FAM228B: variants seen among roughly 807,000 people sequenced by gnomAD.
The protein encoded by FAM228B is protein FAM228B.
Under a neutral mutation model 42.6 loss-of-function variants are expected in FAM228B, and 38 were observed. The ratio of observed to expected loss-of-function variants is 0.89; its 90% confidence interval spans 0.69 to 1.17. The LOEUF (loss-of-function observed/expected upper bound fraction) is 1.17. Ranked by LOEUF, FAM228B falls within the 50% of genes most tolerant of loss-of-function variation. The pLI is 0.00. For missense variants in FAM228B, 344 were observed against 367.3 expected, an observed-to-expected ratio of 0.94 and a Z score of 0.52; for synonymous variants, 109 against 122.3, an observed-to-expected ratio of 0.89 and a Z score of 0.72.
At chr2:24,115,434 T>C in intron 3 of FAM228B, 1 of 644,366 alleles carries the variant, frequency 1.6e-6, no homozygotes, top group East Asian at 2.7e-5. Context: ...GAAGAGGATC[T>C]CTGGAAGTAA....
At chr2:24,156,770 TTCCGC>T (rs1383939319) in intron 7 of FAM228B, among the ~76,000 whole-genome samples, 109 of 30,098 alleles carry the variant, frequency 3.6e-3, no homozygotes, top group Non-Finnish European at 7.9e-3. Flanking sequence ...ATACATTTCT[TTCCGC>T]CCCCCCCCCC....
chr2:24,103,524 C>T (rs1427092506), intron 3 of FAM228B, among the ~76,000 whole-genome samples: 7 of 152,122 alleles, frequency 4.6e-5, no homozygotes, highest in South Asian at 2.1e-4. Flanking sequence ...GGTCTCTCTG[C>T]GTAGCTGGAC....
intron 2 of FAM228B, among the ~76,000 whole-genome samples, chr2:24,083,786 A>C (rs1665123647): frequency 6.6e-6 from 1 of 151,672 alleles, no homozygotes; most frequent in Non-Finnish European, 1.5e-5. Flanking sequence ...AGCCACAAAG[A>C]CCTCAGCTTG....
intron 7 of FAM228B, among the ~76,000 whole-genome samples, chr2:24,149,967 G>A (rs1040252122): frequency 1.3e-5 from 2 of 152,096 alleles, no homozygotes; most frequent in African/African-American, 4.8e-5. Flanking sequence ...ATATACAAAC[G>A]CACAAAAAGA....
At chr2:24,125,463 A>G (rs1167317817) in intron 2 of FAM228B, among the ~76,000 whole-genome samples, 1 of 152,224 alleles carries the variant, frequency 6.6e-6, no homozygotes, top group Non-Finnish European at 1.5e-5. Flanking sequence ...GGACATATTC[A>G]GTACTCCCAA....
rs561462612 is a variant in FAM228B at position 24,124,404 on chromosome 2, C to A, written c.43C>A (p.Pro15Thr). The change falls in exon 2 of 11, where the codon CCC (proline) becomes ACC (threonine). Residue 15 changes from proline (P) to threonine (T), a missense_variant. Coordinates refer to ENST00000615575, the MANE Select transcript of FAM228B (RefSeq NM_001145710.2). ...DSDDLVTGTLPKLKSSKEWLE... is the reference protein window; with the variant it reads ...DSDDLVTGTLTKLKSSKEWLE... ...TGATGATCTGGTAACTGGCACACTT[C>A]CCAAGCTCAAGAGCTCAAAAGAATG... The A allele has an allele frequency of 6.9e-5, 107 of 1,552,026 alleles. No individual in the cohort carries two copies. In the Middle Eastern group the frequency reaches 8.3e-4, roughly 12 times the overall value.
intron 3 of FAM228B, chr2:24,115,617 A>G (rs1258397157): frequency 6.2e-7 from 1 of 1,612,562 alleles, no homozygotes; most frequent in South Asian, 1.1e-5. Context: ...GTCTCCTGAA[A>G]GCAAACACAG....
At chr2:24,079,721 T>A in intron 1 of FAM228B, 1 of 1,331,420 alleles carries the variant, frequency 7.5e-7, no homozygotes, top group Non-Finnish European at 1.1e-6. Flanking sequence ...ATTATGGATA[T>A]AAATACAGAT....
At chr2:24,137,583 C>T (rs2151019013) in intron 3 of FAM228B, among the ~76,000 whole-genome samples, 1 of 152,258 alleles carries the variant, frequency 6.6e-6, no homozygotes, top group South Asian at 2.1e-4. Context: ...TCCTTGAAGT[C>T]CTGGGCTCAA....
intron 5 of FAM228B, among the ~76,000 whole-genome samples, chr2:24,145,838 G>C (rs762999421): frequency 6.6e-6 from 1 of 151,272 alleles, no homozygotes; most frequent in Middle Eastern, 3.2e-3. Context: ...ATAGGCGCCC[G>C]CCACCACGCC....
At chr2:24,117,427 T>C (rs1573748522) in intron 3 of FAM228B, among the ~76,000 whole-genome samples, 2 of 151,714 alleles carry the variant, frequency 1.3e-5, no homozygotes. Flanking sequence ...TTTTAAATGG[T>C]CATAGTTCTT....
intron 2 of FAM228B, among the ~76,000 whole-genome samples, chr2:24,127,218 C>G (rs1015513313): frequency 6.6e-6 from 1 of 152,164 alleles, no homozygotes; most frequent in Admixed American, 6.5e-5. Context: ...TCCTTAGTGA[C>G]TGCTTTCACT....
intron 9 of FAM228B, among the ~76,000 whole-genome samples, chr2:24,166,231 C>T (rs955664905): frequency 8.6e-5 from 13 of 151,818 alleles, no homozygotes; most frequent in African/African-American, 3.1e-4. Context: ...CCCTCCAGTT[C>T]TCTTGTCCAG....
At chr2:24,126,271 A>G (rs1373014003) in intron 2 of FAM228B, among the ~76,000 whole-genome samples, 1 of 152,220 alleles carries the variant, frequency 6.6e-6, no homozygotes, top group East Asian at 1.9e-4. Flanking sequence ...GAATTATTTT[A>G]CATTCCCACT....
chr2:24,080,644 A>G lies in FAM228B; in HGVS notation c.-289-232A>G. 1.4e-6 allele frequency: 1 copy of G among 710,620 alleles called. No homozygotes were observed. Among genetic ancestry groups the G allele is most frequent in the South Asian group, 1.7e-5 (1 of 57,306 alleles). 44.0% of individuals were successfully genotyped at this position (710,620 alleles called of 1,614,324 possible). On this transcript the variant is annotated intron_variant, in intron 1 of 10. Transcript: ENST00000613899. This position sits in a 1 kb window ranked among gnomAD's most constrained non-coding sequence, Gnocchi z 4.7. ...CACATGGAAACCATCTTAGATTTAAATATGACTGCCTGTCTCCAGTGGTCA... is the reference window on the plus strand; with the variant it reads ...CACATGGAAACCATCTTAGATTTAAGTATGACTGCCTGTCTCCAGTGGTCA...
intron 3 of FAM228B, among the ~76,000 whole-genome samples, chr2:24,098,010 G>GA (rs1302806162): frequency 6.6e-6 from 1 of 152,198 alleles, no homozygotes; most frequent in Non-Finnish European, 1.5e-5. Flanking sequence ...CATGGAAACT[G>GA]AACAACCTGC....
chr2:24,143,478 A>G (rs558657678), intron 5 of FAM228B, among the ~76,000 whole-genome samples: 162 of 152,238 alleles, frequency 1.1e-3, no homozygotes, highest in South Asian at 3.1e-3. Flanking sequence ...ACAGGCATGA[A>G]CCATCATGCC....
upstream of FAM228B, chr2:24,122,448 T>C (rs1666149282): frequency 1.2e-6 from 2 of 1,613,820 alleles, no homozygotes. Flanking sequence ...ACACACAAGC[T>C]CCGCTCCTGG....
upstream of FAM228B, among the ~76,000 whole-genome samples, chr2:24,120,711 C>A (rs1325315393): frequency 1.3e-5 from 2 of 149,928 alleles, no homozygotes; most frequent in Non-Finnish European, 3.0e-5. Context: ...GCGCACCACA[C>A]CTGGCTAATT....
Sources: allele counts gnomAD v4.1 joint callset (sites outside exome capture counted in the v4.1 genomes callset), GRCh38; gene constraint gnomAD v4.1.1; non-coding constraint Gnocchi (gnomAD v3.1); transcripts MANE v1.5; gene names NCBI Gene and HGNC (gene_info 2026-07-23, HGNC 2026-07-21).